The following ERCC5 variants were observed in gnomAD, a reference collection of about 807,000 sequenced individuals.
ERCC5 encodes ERCC excision repair 5, endonuclease.
Under a neutral mutation model 105.6 loss-of-function variants are expected in ERCC5, and 68 were observed. That is an observed-to-expected ratio of 0.64 (90% CI 0.53 to 0.79). ERCC5 has a LOEUF of 0.79. Among genes scored for constraint, ERCC5 ranks in the 30% least tolerant of loss-of-function variants. ERCC5 has a pLI of 0.00. For synonymous variants in ERCC5, 546 were observed against 526.2 expected (o/e 1.04, Z -0.51); for missense variants, 1,373 against 1,426.7 (o/e 0.96, Z 0.61).
chr13:102,855,967 A>T (rs1164773152), intron 4 of ERCC5, 85 bp from the exon 5 acceptor site: 4 of 1,358,830 alleles, frequency 2.9e-6, no homozygotes, highest in Non-Finnish European at 4.2e-6. Context: ...TGTAGCCCGT[A>T]TAACGAGCAG....
intron 1 of ERCC5, 143 bp downstream of exon 1, chr13:102,846,497 G>A (rs1595373226): frequency 5.4e-6 from 4 of 738,858 alleles, no homozygotes; most frequent in Non-Finnish European, 9.6e-6. Flanking sequence ...CTGTCACTAG[G>A]TTTTCTAAGT....
At chr13:102,861,254 G>A (rs1882608055) in intron 6 of ERCC5, among the ~76,000 whole-genome samples, 1 of 152,052 alleles carries the variant, frequency 6.6e-6, no homozygotes, top group Non-Finnish European at 1.5e-5. Flanking sequence ...CTCCCAAAGT[G>A]CTAGGATTAC....
intron 11 of ERCC5, 108 bp downstream of exon 11, chr13:102,866,953 G>A: frequency 8.1e-7 from 1 of 1,240,548 alleles, no homozygotes; most frequent in African/African-American, 1.5e-5. Context: ...GGAAATTGCA[G>A]GTCTATGCAA....
At chr13:102,846,391 G>GA (rs746476970) in intron 1 of ERCC5, 37 bp downstream of exon 1, 20 of 1,572,032 alleles carry the variant, frequency 1.3e-5, no homozygotes, top group Non-Finnish European at 1.8e-5. Context: ...GGGGTGCAGG[G>GA]ATTCGGGGCT....
chr13:102,849,346 A>C (rs1566463209), intron 1 of ERCC5: 1 of 519,010 alleles, frequency 1.9e-6, no homozygotes, highest in South Asian at 1.4e-5. Context: ...GAAACTTCCC[A>C]GTGGCCGTAT....
intron 1 of ERCC5, among the ~76,000 whole-genome samples, chr13:102,850,476 GAGA>G (rs994671093): frequency 1.3e-5 from 2 of 152,288 alleles, no homozygotes; most frequent in African/African-American, 4.8e-5. Context: ...CCTAGACCAG[GAGA>G]AGAAGTTTTA....
At chr13:102,854,158 A>G in intron 3 of ERCC5, 130 bp from the exon 4 acceptor site, 3 of 1,003,346 alleles carry the variant, frequency 3.0e-6, no homozygotes, top group Non-Finnish European at 4.6e-6. Context: ...CAGCCCCGCC[A>G]AGGTTCCTTC....
At position 102,861,530 on chromosome 13, in the gene ERCC5, C is replaced by A. The variant is rs1405350920; in HGVS notation, c.696C>A (p.Tyr232Ter). 2 of 1,613,990 alleles carry A rather than the reference C, an allele frequency of 1.2e-6. No homozygotes were observed. Among genetic ancestry groups the A allele is most frequent in the South Asian group, 2.2e-5 (2 of 91,068 alleles). ...AGGAGTCTGATGACTTTTCACAGTA[C>A]CAACTCAAAGGCTTGCTTAAAAAGA... is the stretch of plus-strand genomic sequence containing the variant. ...MPEESDDFSQ[Y>*]QLKGLLKKNY... Residue 232 changes from tyrosine (Y) to a stop codon, truncating the protein, a stop_gained, in exon 7 of 15, where the codon TAC becomes TAA. Transcript: ENST00000652225. LOFTEE classifies it high-confidence loss of function.
chr13:102,863,218 C>T lies in ERCC5; in HGVS notation c.1954+115C>T, dbSNP rs780833460. On this transcript the variant is annotated intron_variant, in intron 8 of 14. Transcript: ENST00000652225. ...CTTTTTACAGATAAGGAACGAGAGACGTAGAAAGAAAGATGAAATGACTTT... is the reference window on the plus strand; with the variant it reads ...CTTTTTACAGATAAGGAACGAGAGATGTAGAAAGAAAGATGAAATGACTTT... 187 of 1,196,530 alleles carry T rather than the reference C, an allele frequency of 1.6e-4. 1 individual carries two copies. In the South Asian group the frequency reaches 1.7e-3, roughly 11 times the overall value. The allele number at this position is 1,196,530 out of a possible 1,614,324, so 74.1% of individuals were successfully genotyped here. A position where few individuals can be genotyped will look rare whatever the true frequency, so the allele number is the denominator to read the frequency against.
intron 12 of ERCC5, 122 bp from the exon 13 acceptor site, chr13:102,872,076 T>C (rs1883051878): frequency 1.8e-6 from 2 of 1,141,848 alleles, no homozygotes; most frequent in Non-Finnish European, 2.5e-6. Context: ...TAAAATATTC[T>C]ATATAGCATA....
chr13:102,851,040 A>G (rs1882182215), intron 1 of ERCC5, among the ~76,000 whole-genome samples: 1 of 152,238 alleles, frequency 6.6e-6, no homozygotes, highest in Admixed American at 6.5e-5. Context: ...TAAAAATATA[A>G]GAAAACTTCA....
chr13:102,862,660 A>T lies in ERCC5; in HGVS notation c.1511A>T (p.Glu504Val). The T allele has an allele frequency of 6.2e-7, 1 of 1,614,214 alleles. No individual in the cohort carries two copies. Among genetic ancestry groups the T allele is most frequent in the Non-Finnish European group, 8.5e-7 (1 of 1,180,026 alleles). ...IKDRKDRLPLESAVVRHSDAP... is the reference protein window; with the variant it reads ...IKDRKDRLPLVSAVVRHSDAP... ...GACAGAAAAGATCGGCTGCCTCTGG[A>T]GAGTGCAGTGGTTAGACATAGTGAC... is the stretch of plus-strand genomic sequence containing the variant. The change falls in exon 8 of 15, where the codon GAG (glutamate) becomes GTG (valine). Residue 504 changes from glutamate to valine, a missense_variant. Glu to Val is a moderately radical substitution (Grantham distance 121). This residue lies in a region of ERCC5 where 1,004 missense variants were observed against 1,059.7 expected (regional missense o/e 0.95). Coordinates refer to ENST00000652225, the MANE Select transcript of ERCC5 (RefSeq NM_000123.4).
intron 12 of ERCC5, among the ~76,000 whole-genome samples, chr13:102,871,919 C>T (rs1210453581): frequency 6.6e-6 from 1 of 152,092 alleles, no homozygotes; most frequent in Non-Finnish European, 1.5e-5. Flanking sequence ...AGTTCAGTTC[C>T]CTCCTCTGTG....
intron 8 of ERCC5, among the ~76,000 whole-genome samples, chr13:102,863,306 T>C (rs1882717353): frequency 6.6e-6 from 1 of 152,244 alleles, no homozygotes; most frequent in Non-Finnish European, 1.5e-5. Context: ...CTTTTTGTTA[T>C]CATTTTTAAA....
intron 12 of ERCC5, among the ~76,000 whole-genome samples, chr13:102,869,900 T>G (rs985436369): frequency 3.3e-5 from 5 of 152,246 alleles, no homozygotes; most frequent in Non-Finnish European, 7.3e-5. Context: ...TTTTCTTTGT[T>G]CAGCAGTTTT....
Position 102,858,424 on chromosome 13 carries a change from A to G in ERCC5, c.672+6A>G. On this transcript the variant is annotated splice_donor_region_variant and intron_variant, in intron 6 of 14. Coordinates refer to ENST00000652225, the MANE Select transcript of ERCC5 (RefSeq NM_000123.4). ...TATTTGAAGCAATGCCAGAGGTGAAATATGCAACAGTACATTCATGCTTAG... is the reference window on the plus strand; with the variant it reads ...TATTTGAAGCAATGCCAGAGGTGAAGTATGCAACAGTACATTCATGCTTAG... 5 of 1,614,134 alleles carry G rather than the reference A, an allele frequency of 3.1e-6. No individual in the cohort carries two copies. The highest frequency in any genetic ancestry group is 4.2e-6 in the Non-Finnish European group (5 of 1,179,994).
chr13:102,862,510 C>T lies in ERCC5; in HGVS notation c.1361C>T (p.Ala454Val), dbSNP rs560063840. Residue 454 changes from alanine to valine, a missense_variant, in exon 8 of 15, where the codon GCA becomes GTA. Around this residue, in one of 3 missense-constraint regions of ERCC5, gnomAD observed 1,004 missense variants for 1,059.7 expected, o/e 0.95. Transcript: ENST00000652225. Reference sequence around the variant, plus strand: ...CTTGCGTCATCTAGTGTGAACTCTGCAGAGGAGCACGTAGCCAGCACTAAT... The same window carrying T: ...CTTGCGTCATCTAGTGTGAACTCTGTAGAGGAGCACGTAGCCAGCACTAAT... ...ATLASSSVNS[A>V]EEHVASTNEG... 66 of 1,614,030 alleles carry T rather than the reference C, an allele frequency of 4.1e-5. No homozygotes were observed. The South Asian group carries it at 5.8e-4, about 14-fold the overall frequency.
rs373673268 is a variant in ERCC5 at position 102,874,874 on chromosome 13, AC to A, written c.2965-432del. On this transcript the variant is annotated intron_variant, in intron 14 of 14. Coordinates refer to ENST00000652225, the MANE Select transcript of ERCC5 (RefSeq NM_000123.4). ...TGAATAAAAGGCATGAATATTTCTT[AC>A]AGTTGCTAATATATACTGTGAACTT... The A allele has an allele frequency of 3.0e-3, 498 of 163,676 alleles. 4 individuals carry two copies. Among genetic ancestry groups the A allele is most frequent in the African/African-American group, 0.011 (450 of 41,648 alleles). 10.1% of individuals were successfully genotyped at this position (163,676 alleles called of 1,614,324 possible). A position where few individuals can be genotyped will look rare whatever the true frequency, so the allele number is the denominator to read the frequency against.
chr13:102,873,894 A>G (rs1402352121), intron 14 of ERCC5, among the ~76,000 whole-genome samples: 1 of 152,208 alleles, frequency 6.6e-6, no homozygotes, highest in Non-Finnish European at 1.5e-5. Context: ...TTTCGCCCAC[A>G]CTAGAAACAA....
Sources: allele counts gnomAD v4.1 joint callset (sites outside exome capture counted in the v4.1 genomes callset), GRCh38; gene constraint gnomAD v4.1.1; regional missense constraint gnomAD v4.1.1; transcripts MANE v1.5; gene names NCBI Gene and HGNC (gene_info 2026-07-23, HGNC 2026-07-21).